AQP7B: variants seen among roughly 807,000 people sequenced by gnomAD.
AQP7B encodes aquaporin 7B.
At chr2:94,590,117 C>T in the AQP7B span, among the ~76,000 whole-genome samples, 1 of 152,122 alleles carries the variant, frequency 6.6e-6, no homozygotes, top group Non-Finnish European at 1.5e-5. Flanking sequence ...ACAGAGTGAC[C>T]CAAGAGTGGA....
At chr2:94,601,321 G>C in the AQP7B span, among the ~76,000 whole-genome samples, 1 of 152,224 alleles carries the variant, frequency 6.6e-6, no homozygotes, top group African/African-American at 2.4e-5. Flanking sequence ...AACATAGAGT[G>C]AGGAGCAGGT....
chr2:94,589,417 A>T, the AQP7B span, among the ~76,000 whole-genome samples: 1 of 151,864 alleles, frequency 6.6e-6, no homozygotes, highest in Non-Finnish European at 1.5e-5. Context: ...TCTCATCTTC[A>T]TGGCTTTGCT....
At chr2:94,593,300 A>G in the AQP7B span, among the ~76,000 whole-genome samples, 417 of 151,882 alleles carry the variant, frequency 2.7e-3, 2 homozygotes, top group African/African-American at 9.5e-3. Flanking sequence ...GGGAGGCAGG[A>G]GACCATTCTC....
the AQP7B span, among the ~76,000 whole-genome samples, chr2:94,590,476 C>T: frequency 6.6e-6 from 1 of 152,118 alleles, no homozygotes; most frequent in African/African-American, 2.4e-5. Context: ...GCATGAGTCA[C>T]CATGCCTGGC....
chr2:94,592,731 T>C, the AQP7B span, among the ~76,000 whole-genome samples: 1 of 150,990 alleles, frequency 6.6e-6, no homozygotes, highest in Non-Finnish European at 1.5e-5. Context: ...GAATCTACTA[T>C]GCTTACTATG....
chr2:94,602,572 C>T, the AQP7B span: 3 of 1,601,790 alleles, frequency 1.9e-6, no homozygotes, highest in Middle Eastern at 4.6e-4. Context: ...TGGGTTTTGG[C>T]TTCGGGGTCA....
At chr2:94,590,336 C>A in the AQP7B span, among the ~76,000 whole-genome samples, 3 of 152,158 alleles carry the variant, frequency 2.0e-5, no homozygotes, top group Non-Finnish European at 4.4e-5. Flanking sequence ...GCACCTACCA[C>A]CACGCCCAGC....
chr2:94,594,886 G>A, the AQP7B span: 14 of 1,460,738 alleles, frequency 9.6e-6, no homozygotes, highest in African/African-American at 1.4e-5. Flanking sequence ...GAGTGGGTGG[G>A]CAGCACGAAG....
At chr2:94,597,156 C>CTT in the AQP7B span, among the ~76,000 whole-genome samples, 1 of 152,162 alleles carries the variant, frequency 6.6e-6, no homozygotes, top group Non-Finnish European at 1.5e-5. Context: ...CTACTCCTCT[C>CTT]TTACCTCCCC....
At chr2:94,604,562 G>T in the AQP7B span, 1 of 1,599,136 alleles carries the variant, frequency 6.3e-7, no homozygotes, top group South Asian at 1.1e-5. Context: ...CATGGCCCTA[G>T]AGCACTTCTA....
At chr2:94,591,546 G>A in the AQP7B span, among the ~76,000 whole-genome samples, 7 of 152,120 alleles carry the variant, frequency 4.6e-5, no homozygotes. Flanking sequence ...CCGCAGGGGA[G>A]GCAGCTCTCC....
the AQP7B span, chr2:94,602,936 G>C: frequency 2.2e-6 from 3 of 1,347,518 alleles, no homozygotes; most frequent in African/African-American, 4.4e-5. Flanking sequence ...CTCTGTCACA[G>C]AGCATGCTGT....
the AQP7B span, among the ~76,000 whole-genome samples, chr2:94,599,640 G>A: frequency 1.3e-5 from 2 of 151,936 alleles, no homozygotes; most frequent in East Asian, 3.9e-4. Flanking sequence ...CACCAATCCA[G>A]CTGTCCAGCC....
the AQP7B span, among the ~76,000 whole-genome samples, chr2:94,601,312 A>G: frequency 6.6e-6 from 1 of 152,202 alleles, no homozygotes; most frequent in Non-Finnish European, 1.5e-5. Context: ...GGGATGGGGA[A>G]CATAGAGTGA....
At chr2:94,600,990 G>A in the AQP7B span, among the ~76,000 whole-genome samples, 11 of 152,192 alleles carry the variant, frequency 7.2e-5, no homozygotes, top group African/African-American at 2.7e-4. Flanking sequence ...AGGCTGCAAT[G>A]AGCCCTGATC....
At chr2:94,601,767 G>T in the AQP7B span, among the ~76,000 whole-genome samples, 125 of 152,194 alleles carry the variant, frequency 8.2e-4, 1 homozygote, top group South Asian at 8.3e-3. Flanking sequence ...AGAATGGAAG[G>T]TATGGGGGAG....
the AQP7B span, among the ~76,000 whole-genome samples, chr2:94,588,990 T>C: frequency 3.3e-5 from 5 of 149,566 alleles, no homozygotes; most frequent in South Asian, 2.1e-4. Flanking sequence ...TTTCTTTTTT[T>C]TTTTTTTTTT....
At chr2:94,591,093 C>T in the AQP7B span, among the ~76,000 whole-genome samples, 3 of 151,918 alleles carry the variant, frequency 2.0e-5, no homozygotes, top group African/African-American at 7.3e-5. Context: ...TTCTTGGGCC[C>T]CTCTTCTTAG....
chr2:94,592,467 C>A, the AQP7B span, among the ~76,000 whole-genome samples: 1 of 152,218 alleles, frequency 6.6e-6, no homozygotes, highest in Non-Finnish European at 1.5e-5. Context: ...ATTCCACTGG[C>A]CCCCATCCAA....
Sources: gnomAD v4.1 joint callset for allele counts (sites outside exome capture counted in the v4.1 genomes callset) on GRCh38, gnomAD v4.1.1 for gene constraint, MANE v1.5 for transcripts, NCBI Gene and HGNC (gene_info 2026-07-23, HGNC 2026-07-21) for gene names.